Variants in ZNF438 observed in about 807,000 individuals in gnomAD.
The protein encoded by ZNF438 is zinc finger protein 438.
A neutral mutation model predicts 38.0 loss-of-function variants in ZNF438; 25 were observed. The ratio of observed to expected loss-of-function variants is 0.66; its 90% CI spans 0.48 to 0.92. ZNF438 has a LOEUF of 0.92. ZNF438 is among the 40% of genes least tolerant of loss of function. The pLI is 0.00. For missense variants in ZNF438, 1,007 were observed against 999.6 expected (o/e 1.01, Z -0.10); for synonymous variants, 372 against 364.1 (o/e 1.02, Z -0.25).
At chr10:30,910,969 AC>A (rs1470455134) in intron 2 of ZNF438, among the ~76,000 whole-genome samples, 1 of 152,154 alleles carries the variant, frequency 6.6e-6, no homozygotes, top group African/African-American at 2.4e-5. Context: ...TCAAGCAAAT[AC>A]ATTTTCATAA....
intron 1 of ZNF438, among the ~76,000 whole-genome samples, chr10:30,963,371 G>A (rs111794542): frequency 1.8e-4 from 24 of 131,276 alleles, no homozygotes; most frequent in African/African-American, 6.3e-4. Context: ...CAGCCTGGGC[G>A]ACAAGAGTGA....
chr10:30,877,174 A>G (rs2038560093), intron 3 of ZNF438, 109 bp from the exon 5 acceptor site: 5 of 501,152 alleles, frequency 1.0e-5, no homozygotes, highest in South Asian at 4.7e-5. Flanking sequence ...TTTTATAACT[A>G]TATGAGTAAT....
chr10:30,862,138 G>A (rs1315065235), intron 4 of ZNF438, among the ~76,000 whole-genome samples: 1 of 152,094 alleles, frequency 6.6e-6, no homozygotes, highest in Non-Finnish European at 1.5e-5. Flanking sequence ...ACAAATACCT[G>A]TGCACGCTGT....
chr10:30,937,668 A>G lies in ZNF438; in HGVS notation c.-115+3907T>C, dbSNP rs140177625. 1.4e-3 allele frequency among the ~76,000 whole-genome samples: 216 copies of G among 152,336 alleles called. 1 individual carries two copies. Among genetic ancestry groups the G allele is most frequent in the African/African-American group, 5.1e-3 (214 of 41,588 alleles). ...GGGTGAAACTGTATAATCAGTTTATAAAACAGATCATGCTGAGGTCAAGGC... is the reference window on the plus strand; with the variant it reads ...GGGTGAAACTGTATAATCAGTTTATGAAACAGATCATGCTGAGGTCAAGGC... On this transcript the variant is annotated intron_variant, in intron 2 of 5. Coordinates refer to ENST00000413025, the Ensembl canonical transcript of ZNF438.
At chr10:30,983,797 T>C (rs908273458) in intron 1 of ZNF438, among the ~76,000 whole-genome samples, 8 of 152,198 alleles carry the variant, frequency 5.3e-5, no homozygotes, top group Admixed American at 5.2e-4. Flanking sequence ...AAACTGACTT[T>C]TGTGCTTCAA....
intron 2 of ZNF438, among the ~76,000 whole-genome samples, chr10:30,926,685 C>T (rs1254567983): frequency 6.6e-6 from 1 of 150,906 alleles, no homozygotes; most frequent in Non-Finnish European, 1.5e-5. Flanking sequence ...CAAAGTACTA[C>T]TTGTTGCACT....
intron 1 of ZNF438, among the ~76,000 whole-genome samples, chr10:30,990,026 A>G (rs1386993994): frequency 1.3e-5 from 2 of 152,206 alleles, no homozygotes; most frequent in African/African-American, 2.4e-5. Flanking sequence ...AGAGGCTTCC[A>G]TTGGCCAAAG....
At chr10:30,926,300 T>C (rs550118299) in intron 2 of ZNF438, among the ~76,000 whole-genome samples, 1 of 152,324 alleles carries the variant, frequency 6.6e-6, no homozygotes, top group Admixed American at 6.5e-5. Flanking sequence ...TAAAAATGCC[T>C]GATACAACTT....
At chr10:30,999,888 T>G (rs888876073) in intron 1 of ZNF438, among the ~76,000 whole-genome samples, 3 of 152,188 alleles carry the variant, frequency 2.0e-5, no homozygotes, top group African/African-American at 7.2e-5. Flanking sequence ...TCTTTCCCAT[T>G]GCTGGTTTAT....
At chr10:30,990,609 G>T (rs1023097885) in intron 1 of ZNF438, among the ~76,000 whole-genome samples, 1 of 152,146 alleles carries the variant, frequency 6.6e-6, no homozygotes, top group South Asian at 2.1e-4. Flanking sequence ...AACTGCCAAA[G>T]GAATCAAATC....
At chr10:30,907,123 C>A (rs1464433997) in intron 3 of ZNF438, among the ~76,000 whole-genome samples, 1 of 152,136 alleles carries the variant, frequency 6.6e-6, no homozygotes, top group East Asian at 1.9e-4. Context: ...CACAGGCATT[C>A]GCCACCACGC....
At position 30,993,781 on chromosome 10, in the gene ZNF438, A is replaced by G. The variant is rs114852366; in HGVS notation, c.-192+38052T>C. ...AACCTGCGAAAGCCACAGGCACCCA[A>G]CTGTAACCTACAAGGGCTGACATAT... On this transcript the variant is annotated intron_variant, in intron 1 of 5. Coordinates refer to ENST00000413025, the Ensembl canonical transcript of ZNF438. Among the ~76,000 whole-genome samples, 953 of 152,344 alleles carry G rather than the reference A, an allele frequency of 6.3e-3. 8 individuals are homozygous for G. The highest frequency in any genetic ancestry group is 0.021 in the African/African-American group (889 of 41,586).
intron 1 of ZNF438, among the ~76,000 whole-genome samples, chr10:31,014,785 A>G (rs2133161498): frequency 6.6e-6 from 1 of 152,316 alleles, no homozygotes; most frequent in East Asian, 1.9e-4. Flanking sequence ...GCCTGCATAC[A>G]GTAAACATGC....
chr10:30,862,884 C>T (rs1032401066), intron 4 of ZNF438, among the ~76,000 whole-genome samples: 3 of 152,166 alleles, frequency 2.0e-5, no homozygotes, highest in African/African-American at 7.2e-5. Context: ...CGCTTTTATA[C>T]TATAATTTCA....
intron 1 of ZNF438, among the ~76,000 whole-genome samples, chr10:31,012,135 T>C (rs2055765285): frequency 6.7e-6 from 1 of 150,124 alleles, no homozygotes; most frequent in African/African-American, 2.4e-5. Context: ...TTTTCTTTTT[T>C]TTTTTGAGAT....
At chr10:30,968,223 G>A (rs2050351413) in intron 1 of ZNF438, among the ~76,000 whole-genome samples, 1 of 152,026 alleles carries the variant, frequency 6.6e-6, no homozygotes, top group South Asian at 2.1e-4. Context: ...ATCCTAAGTA[G>A]GGAAACGTGG....
intron 4 of ZNF438, among the ~76,000 whole-genome samples, chr10:30,862,873 T>A (rs781264674): frequency 2.6e-5 from 4 of 152,216 alleles, no homozygotes; most frequent in Non-Finnish European, 5.9e-5. Flanking sequence ...TACAAAGATA[T>A]CGCTTTTATA....
At position 30,902,901 on chromosome 10, in the gene ZNF438, G is replaced by A. The variant is rs558155962; in HGVS notation, c.-32+6032C>T. Among the ~76,000 whole-genome samples the A allele has an allele frequency of 2.0e-5, 3 of 152,360 alleles. No homozygotes were observed. In the South Asian group the frequency reaches 6.2e-4, roughly 32 times the overall value. On this transcript the variant is annotated intron_variant, in intron 3 of 5. Transcript: ENST00000413025. Reference sequence around the variant, plus strand: ...AGGCTCAGGTGGTGCAGGAGCCCATGGCAGAGCGGGGAGACTCAGGCATGT... The same window carrying A: ...AGGCTCAGGTGGTGCAGGAGCCCATAGCAGAGCGGGGAGACTCAGGCATGT...
chr10:31,007,283 T>G (rs1359767516), intron 1 of ZNF438, among the ~76,000 whole-genome samples: 4 of 147,402 alleles, frequency 2.7e-5, no homozygotes, highest in Admixed American at 6.7e-5. Flanking sequence ...GGTGTTTTTT[T>G]TTTTTTTTTT....
Sources: gnomAD v4.1 joint callset for allele counts (sites outside exome capture counted in the v4.1 genomes callset) on GRCh38, gnomAD v4.1.1 for gene constraint, MANE v1.5 for transcripts, NCBI Gene and HGNC (gene_info 2026-07-23, HGNC 2026-07-21) for gene names.